The following RAPGEF2 variants were observed in gnomAD, a reference collection of about 807,000 sequenced individuals.
RAPGEF2 encodes PDZ domain containing guanine nucleotide exchange factor (GEF) 1.
In RAPGEF2, 54 loss-of-function variants were observed where a neutral mutation model predicts 186.7. The ratio of observed to expected loss-of-function variants is 0.29; its 90% CI spans 0.23 to 0.36. The LOEUF (loss-of-function observed/expected upper bound fraction) is 0.36. Ranked by LOEUF, RAPGEF2 falls within the 10% of genes least tolerant of loss-of-function variation. RAPGEF2 has a pLI of 1.00. For missense variants in RAPGEF2, 1,532 were observed against 2,045.0 expected, an observed-to-expected ratio of 0.75 and a Z score of 4.84; for synonymous variants, 712 against 705.9, an observed-to-expected ratio of 1.01 and a Z score of -0.14.
rs747657642 is a variant in RAPGEF2 at position 159,356,178 on chromosome 4, C to T, written c.4957+20C>T. The T allele has an allele frequency of 6.3e-7, 1 of 1,599,242 alleles. No individual in the cohort carries two copies. Among genetic ancestry groups the T allele is most frequent in the Non-Finnish European group, 8.6e-7 (1 of 1,169,354 alleles). On this transcript the variant is annotated intron_variant, in intron 29 of 29. Coordinates refer to ENST00000691494, the MANE Select transcript of RAPGEF2 (RefSeq NM_001394067.2). ...AGGATGGTATATGCACATAAATATTCCTAAAACCTCCAAGTTAGATGTGTT... is the reference window on the plus strand; with the variant it reads ...AGGATGGTATATGCACATAAATATTTCTAAAACCTCCAAGTTAGATGTGTT...
chr4:159,287,240 ATAAGT>A (rs936585241), intron 7 of RAPGEF2, among the ~76,000 whole-genome samples: 5 of 152,294 alleles, frequency 3.3e-5, no homozygotes, highest in East Asian at 1.9e-4. Context: ...AATCTTAATG[ATAAGT>A]TAAGATTAAC....
At chr4:159,312,400 A>C (rs986249627) in intron 8 of RAPGEF2, among the ~76,000 whole-genome samples, 1 of 152,166 alleles carries the variant, frequency 6.6e-6, no homozygotes, top group Non-Finnish European at 1.5e-5. Flanking sequence ...TCTAGACTTC[A>C]GGGTCAGGTG....
At chr4:159,334,948 A>G (rs1032222247) in intron 17 of RAPGEF2, among the ~76,000 whole-genome samples, 1 of 147,674 alleles carries the variant, frequency 6.8e-6, no homozygotes, top group African/African-American at 2.7e-5. Flanking sequence ...AGAAAAAATA[A>G]TTAAAGGAAG....
intron 7 of RAPGEF2, among the ~76,000 whole-genome samples, chr4:159,275,053 TCGTGTGTGTG>T (rs1445537653): frequency 1.9e-5 from 2 of 103,990 alleles, no homozygotes; most frequent in African/African-American, 7.3e-5. Context: ...TCTCTGTCTC[TCGTGTGTGTG>T]TGTGTGTGTG....
chr4:159,272,881 C>G (rs997285808), intron 7 of RAPGEF2, among the ~76,000 whole-genome samples: 7 of 152,140 alleles, frequency 4.6e-5, no homozygotes, highest in Admixed American at 1.3e-4. Context: ...GGAGTGTAAC[C>G]TCTTTCTTCA....
intron 7 of RAPGEF2, among the ~76,000 whole-genome samples, chr4:159,286,398 C>T (rs1760501982): frequency 6.6e-6 from 1 of 152,084 alleles, no homozygotes; most frequent in African/African-American, 2.4e-5. Context: ...TTGTACTATT[C>T]CTAGAGTTCC....
intron 1 of RAPGEF2, among the ~76,000 whole-genome samples, chr4:159,117,246 T>C (rs1739145767): frequency 6.6e-6 from 1 of 152,194 alleles, no homozygotes; most frequent in African/African-American, 2.4e-5. Context: ...CTGATCCCCA[T>C]CCTGTTTTTG....
chr4:159,324,971 T>C lies in RAPGEF2; in HGVS notation c.1149+1354T>C, dbSNP rs74320503. On this transcript the variant is annotated intron_variant, in intron 11 of 29. Transcript: ENST00000691494. ...TCAGTTGTATTTATTAGTCTGCAGT[T>C]TGAAAAACATCTGAATATAGTTTAT... Among the ~76,000 whole-genome samples the C allele has an allele frequency of 8.5e-4, 130 of 152,254 alleles. 2 individuals carry two copies. Among genetic ancestry groups the C allele is most frequent in the African/African-American group, 2.9e-3 (122 of 41,568 alleles).
intron 9 of RAPGEF2, among the ~76,000 whole-genome samples, chr4:159,319,498 A>G (rs1561272968): frequency 6.6e-6 from 1 of 151,988 alleles, no homozygotes; most frequent in African/African-American, 2.4e-5. Flanking sequence ...CTGCTGCCAT[A>G]TATATATATG....
chr4:159,267,674 A>G (rs1165411448), intron 7 of RAPGEF2: 2 of 823,122 alleles, frequency 2.4e-6, no homozygotes, highest in Admixed American at 5.0e-5. Context: ...AAACAAGGGT[A>G]TTAACAATGC....
chr4:159,335,549 G>T (rs1021603822), intron 17 of RAPGEF2, among the ~76,000 whole-genome samples: 1 of 152,162 alleles, frequency 6.6e-6, no homozygotes, highest in Non-Finnish European at 1.5e-5. Context: ...GTGTTGCGGA[G>T]AAACGGTTCT....
At position 159,313,098 on chromosome 4, in the gene RAPGEF2, A is replaced by T. The variant is rs192617290; in HGVS notation, c.676-1493A>T. Reference sequence around the variant, plus strand: ...GGGAGGCAGAGGTTGCAGTGAGCCGAGATCGTGCCATTGCACTCCAGCCTG... The same window carrying T: ...GGGAGGCAGAGGTTGCAGTGAGCCGTGATCGTGCCATTGCACTCCAGCCTG... On this transcript the variant is annotated intron_variant, in intron 8 of 29. Transcript: ENST00000691494. Among the ~76,000 whole-genome samples the T allele has an allele frequency of 2.8e-3, 421 of 152,328 alleles. 4 individuals carry two copies. The highest frequency in any genetic ancestry group is 2.3e-3 in the Non-Finnish European group (157 of 68,024).
At chr4:159,151,200 T>A (rs1277668664) in intron 1 of RAPGEF2, among the ~76,000 whole-genome samples, 1 of 151,716 alleles carries the variant, frequency 6.6e-6, no homozygotes, top group Non-Finnish European at 1.5e-5. Context: ...GGTTCAACTG[T>A]TTAAAGTACT....
chr4:159,349,447 A>G (rs1730858424), intron 25 of RAPGEF2, among the ~76,000 whole-genome samples: 1 of 152,116 alleles, frequency 6.6e-6, no homozygotes, highest in Non-Finnish European at 1.5e-5. Context: ...ATTGACATGT[A>G]GAATAATTTT....
chr4:159,248,649 ACTCT>A (rs764455254), intron 7 of RAPGEF2, among the ~76,000 whole-genome samples: 1 of 152,182 alleles, frequency 6.6e-6, no homozygotes, highest in African/African-American at 2.4e-5. Flanking sequence ...AGGGGGACTA[ACTCT>A]CTTTCTTGCA....
intron 1 of RAPGEF2, among the ~76,000 whole-genome samples, chr4:159,161,519 C>T (rs150078576): frequency 9.0e-4 from 137 of 152,076 alleles, no homozygotes; most frequent in East Asian, 1.5e-3. Context: ...GCCTGAGCAA[C>T]ATGGTGAAAC....
At chr4:159,221,685 C>T (rs1227371214) in intron 4 of RAPGEF2, among the ~76,000 whole-genome samples, 1 of 152,230 alleles carries the variant, frequency 6.6e-6, no homozygotes, top group Non-Finnish European at 1.5e-5. Context: ...ATTGCCTATG[C>T]TTACATTCTA....
chr4:159,232,004 CTGTT>C (rs1366663024), intron 4 of RAPGEF2, among the ~76,000 whole-genome samples: 3 of 152,134 alleles, frequency 2.0e-5, no homozygotes, highest in Non-Finnish European at 2.9e-5. Context: ...CTAAGATTTG[CTGTT>C]TGTTAAAATA....
chr4:159,338,224 T>G, intron 17 of RAPGEF2, 87 bp from the exon 18 acceptor site: 1 of 1,201,784 alleles, frequency 8.3e-7, no homozygotes, highest in Non-Finnish European at 1.1e-6. Flanking sequence ...AAAAATGGAA[T>G]ATGGTTTTTG....
Sources: gnomAD v4.1 joint callset for allele counts (sites outside exome capture counted in the v4.1 genomes callset) on GRCh38, gnomAD v4.1.1 for gene constraint, MANE v1.5 for transcripts, NCBI Gene and HGNC (gene_info 2026-07-23, HGNC 2026-07-21) for gene names.